The following CD99 variants were observed in gnomAD, a reference collection of about 807,000 sequenced individuals.
The protein encoded by CD99 is CD99 molecule (Xg blood group), also known as CD99 antigen.
In CD99, 19 loss-of-function variants were observed where a neutral mutation model predicts 28.4. The ratio of observed to expected loss-of-function variants is 0.67; its 90% CI spans 0.47 to 0.98. The LOEUF is 0.98. Ranked by LOEUF, CD99 falls within the 50% of genes least tolerant of loss-of-function variation. CD99 has a pLI of 0.00. For synonymous variants in CD99, 103 were observed against 92.1 expected, an observed-to-expected ratio of 1.12 and a Z score of -0.67; for missense variants, 283 against 248.8, an observed-to-expected ratio of 1.14 and a Z score of -0.92.
At chrX:2,734,208 T>C (rs909946216) in intron 8 of CD99, among the ~76,000 whole-genome samples, 2 of 149,628 alleles carry the variant, frequency 1.3e-5, no homozygotes, top group African/African-American at 2.6e-5. Context: ...CTTATTTTTT[T>C]CTTTCTTTTC....
At chrX:2,717,347 C>A (rs866697734) in intron 2 of CD99, 123 of 345,662 alleles carry the variant, frequency 3.6e-4, no homozygotes, top group Admixed American at 9.0e-4. Flanking sequence ...GACTTGGTCT[C>A]AAAAAAAAAA....
rs752183700 is a variant in CD99 at position 2,722,607 on chromosome X, T to C, written c.263-20T>C. The C allele has an allele frequency of 1.2e-6, 2 of 1,613,326 alleles. No individual in the cohort carries two copies. The highest frequency in any genetic ancestry group is 1.7e-6 in the Non-Finnish European group (2 of 1,179,268). ...GGAGGAGTTCCAGGTTGACAGGTGA[T>C]GCTGTATTTTCTTTCCTAGGTAGCT... On this transcript the variant is annotated intron_variant, in intron 5 of 9. Transcript: ENST00000381192.
chrX:2,705,209 T>C (rs1416215772), intron 1 of CD99, among the ~76,000 whole-genome samples: 1 of 152,210 alleles, frequency 6.6e-6, no homozygotes, highest in African/African-American at 2.4e-5. Context: ...ATCTAAAGTG[T>C]AGGATGTTTG....
At chrX:2,731,283 T>C (rs185219899) in intron 8 of CD99, among the ~76,000 whole-genome samples, 247 of 152,272 alleles carry the variant, frequency 1.6e-3, no homozygotes, top group Non-Finnish European at 2.7e-3. Flanking sequence ...GAGTATAGCA[T>C]GCCCTGGTCC....
chrX:2,723,304 T>C lies in CD99; in HGVS notation c.311-10T>C, dbSNP rs2049096417. On this transcript the variant is annotated splice_polypyrimidine_tract_variant and intron_variant, in intron 6 of 9. Transcript: ENST00000381192. ...ACCTTCCCATTGCAGACGTTGTTTT[T>C]GTCTTGCAGGAAAAGGAGGCAGTGA... 6.2e-7 allele frequency: 1 copy of C among 1,613,950 alleles called. No individual in the cohort carries two copies. Among genetic ancestry groups the C allele is most frequent in the Admixed American group, 1.7e-5 (1 of 60,018 alleles).
At chrX:2,709,782 A>G (rs1277146130) in intron 1 of CD99, among the ~76,000 whole-genome samples, 1 of 152,250 alleles carries the variant, frequency 6.6e-6, no homozygotes, top group Non-Finnish European at 1.5e-5. Context: ...TGCATTGGAA[A>G]AAATCCAAAA....
chrX:2,695,426 AT>A (rs1297002626), intron 1 of CD99, among the ~76,000 whole-genome samples: 3 of 151,786 alleles, frequency 2.0e-5, no homozygotes, highest in Non-Finnish European at 4.4e-5. Context: ...GCTGAAAAAT[AT>A]TTTTTTGAGG....
rs185258027 is a variant in CD99 at position 2,736,336 on chromosome X, T to G, written c.476-1864T>G. On this transcript the variant is annotated intron_variant, in intron 8 of 9. Coordinates refer to ENST00000381192, the MANE Select transcript of CD99 (RefSeq NM_002414.5). ...ACGGTCTTTGTGAGGGGGAAACGCA[T>G]GGCCACAGATTCGATGAGCTTCTGC... Among the ~76,000 whole-genome samples, 503 of 152,184 alleles carry G rather than the reference T, an allele frequency of 3.3e-3. 3 individuals are homozygous for G. Among genetic ancestry groups the G allele is most frequent in the African/African-American group, 0.011 (475 of 41,532 alleles).
rs769046137 is a variant in CD99 at position 2,738,053 on chromosome X, C to T, written c.476-147C>T. The T allele has an allele frequency of 5.5e-5, 43 of 779,532 alleles. No homozygotes were observed. The Middle Eastern group carries it at 6.8e-4, about 12-fold the overall frequency. 48.3% of individuals were successfully genotyped at this position (779,532 alleles called of 1,614,324 possible). A position where few individuals can be genotyped will look rare whatever the true frequency, so the allele number is the denominator to read the frequency against. On this transcript the variant is annotated intron_variant, in intron 8 of 9. Transcript: ENST00000381192. ...ACATGAGTGTTAGACTCCATGTTCCCAGTGGGTCTCGGGGTTCAGAACTGA... is the reference window on the plus strand; with the variant it reads ...ACATGAGTGTTAGACTCCATGTTCCTAGTGGGTCTCGGGGTTCAGAACTGA...
At chrX:2,726,141 T>G in intron 7 of CD99, 119 bp from the exon 8 acceptor site, 3 of 655,074 alleles carry the variant, frequency 4.6e-6, no homozygotes, top group Non-Finnish European at 8.2e-6. Context: ...CTCAGGCGTC[T>G]GAGATGTTCT....
intron 2 of CD99, among the ~76,000 whole-genome samples, chrX:2,716,931 A>T (rs1302268441): frequency 2.6e-5 from 4 of 152,280 alleles, no homozygotes; most frequent in African/African-American, 9.6e-5. Flanking sequence ...TCAGCCATCA[A>T]TCCGGTGTCT....
In CD99 at chrX:2,708,301, A is replaced by G. The variant is rs141245382; in HGVS notation, c.68-6121A>G. 6.3e-3 allele frequency among the ~76,000 whole-genome samples: 956 copies of G among 152,218 alleles called. 9 individuals carry two copies. The highest frequency in any genetic ancestry group is 0.022 in the African/African-American group (922 of 41,536). Reference sequence around the variant, plus strand: ...TGGGTGATTCAGGGTGCCCACGTCTATATGAAATCGAGAGCGGGTCACCTC... The same window carrying G: ...TGGGTGATTCAGGGTGCCCACGTCTGTATGAAATCGAGAGCGGGTCACCTC... On this transcript the variant is annotated intron_variant, in intron 1 of 9. Transcript: ENST00000381192.
At chrX:2,732,023 T>C (rs2049637410) in intron 8 of CD99, among the ~76,000 whole-genome samples, 1 of 152,132 alleles carries the variant, frequency 6.6e-6, no homozygotes, top group African/African-American at 2.4e-5. Context: ...TTTTTACCTT[T>C]TTTTGTAGAG....
chrX:2,712,013 G>C (rs144599171), intron 1 of CD99, among the ~76,000 whole-genome samples: 4 of 152,096 alleles, frequency 2.6e-5, no homozygotes, highest in African/African-American at 7.2e-5. Context: ...CTCCAGCTTG[G>C]GCAACAGAGT....
At chrX:2,712,579 A>G (rs311066) in intron 1 of CD99, among the ~76,000 whole-genome samples, 121,589 of 151,896 alleles carry the variant, frequency 0.8, 48,727 homozygotes, top group South Asian at 0.84. Flanking sequence ...GATCTGCCGC[A>G]TGCTGCAGGA....
At chrX:2,738,408 A>T (rs2050051820) in intron 9 of CD99, 152 bp downstream of exon 9, 1 of 747,078 alleles carries the variant, frequency 1.3e-6, no homozygotes, top group Non-Finnish European at 2.4e-6. Context: ...CTTTGGAGGG[A>T]TACTTTCAAA....
intron 1 of CD99, chrX:2,692,125 C>T (rs1197795740): frequency 3.4e-6 from 2 of 593,196 alleles, no homozygotes; most frequent in African/African-American, 3.7e-5. Context: ...CGGTCACCCT[C>T]CCACGCCCTA....
rs750818634 is a variant in CD99, at chrX:2,719,753, A to T, written c.193+48A>T. The T allele has an allele frequency of 2.0e-5, 31 of 1,545,038 alleles. No homozygotes were observed. The East Asian group carries it at 6.3e-4, about 31-fold the overall frequency. ...TTCTGCTGCTGATCTGCTTATTATC[A>T]CCCAATTATGATCATTTCAGAGAGA... is the stretch of plus-strand genomic sequence containing the variant. On this transcript the variant is annotated intron_variant, in intron 4 of 9. Transcript: ENST00000381192.
At chrX:2,710,477 C>T (rs1256952425) in intron 1 of CD99, among the ~76,000 whole-genome samples, 3 of 148,234 alleles carry the variant, frequency 2.0e-5, no homozygotes, top group African/African-American at 7.7e-5. Context: ...AAGGGTTACA[C>T]TTAAAATAAT....
Sources: allele counts gnomAD v4.1 joint callset (sites outside exome capture counted in the v4.1 genomes callset), GRCh38; gene constraint gnomAD v4.1.1; transcripts MANE v1.5; gene names NCBI Gene and HGNC (gene_info 2026-07-23, HGNC 2026-07-21).